The following ATE1 variants were observed in gnomAD, a reference collection of about 807,000 sequenced individuals.
The protein encoded by ATE1 is arginyl-tRNA--protein transferase 1.
ATE1 carries 36 observed loss-of-function variants against 70.5 expected under a neutral mutation model. That is an observed-to-expected ratio of 0.51 (90% CI 0.39 to 0.67). ATE1 has a LOEUF of 0.67. ATE1 is among the 30% of genes least tolerant of loss of function. ATE1 has a pLI of 0.00. For synonymous variants in ATE1, 232 were observed against 219.3 expected, an observed-to-expected ratio of 1.06 and a Z score of -0.51; for missense variants, 593 against 629.5, an observed-to-expected ratio of 0.94 and a Z score of 0.62.
Position 121,911,078 on chromosome 10 carries a change from C to T in ATE1, c.411G>A (p.Gln137=), listed in dbSNP as rs919159520. 1.2e-6 allele frequency: 2 copies of T among 1,612,272 alleles called. No homozygotes were observed. Among genetic ancestry groups the T allele is most frequent in the Middle Eastern group, 1.7e-4 (1 of 6,060 alleles). ...CATCACTGAGTGTTTTAAGATCACA[C>T]TGTATATCCAGTTTATTTATCAATG... ...DFALINKLDI[Q]CDLKTLSDDI... is the part of the protein sequence containing the mutation. The change falls in exon 5 of 12, where the codon CAG becomes CAA. Residue 137 remains glutamine (Q), a synonymous_variant. Transcript: ENST00000224652.
chr10:121,900,384 G>T (rs1270227713), intron 6 of ATE1, among the ~76,000 whole-genome samples: 1 of 151,936 alleles, frequency 6.6e-6, no homozygotes, highest in African/African-American at 2.4e-5. Flanking sequence ...TACATTTTTT[G>T]GCCACTCATT....
At position 121,826,637 on chromosome 10, in the gene ATE1, T is replaced by A. The variant is rs145197907; in HGVS notation, c.1257+10081A>T. 4.0e-3 allele frequency among the ~76,000 whole-genome samples: 613 copies of A among 152,286 alleles called. 2 individuals are homozygous for A. The highest frequency in any genetic ancestry group is 0.014 in the African/African-American group (583 of 41,562). The stretch of plus-strand genomic sequence containing the variant: ...TTTTTTTCCAACTTTTATTTTAGAA[T>A]CAGAGGGTACATGTGCAGGTTTGTT... On this transcript the variant is annotated intron_variant, in intron 10 of 11. Transcript: ENST00000224652.
chr10:121,758,682 A>T (rs917872293), intron 11 of ATE1, among the ~76,000 whole-genome samples: 4 of 152,188 alleles, frequency 2.6e-5, no homozygotes, highest in African/African-American at 7.2e-5. Flanking sequence ...GATTTGTGGC[A>T]ACCCTGCATT....
At chr10:121,791,732 CT>C (rs1946461233) in intron 10 of ATE1, among the ~76,000 whole-genome samples, 1 of 152,062 alleles carries the variant, frequency 6.6e-6, no homozygotes, top group Admixed American at 6.6e-5. Context: ...AGAAACAAAC[CT>C]TTTAGTATAC....
chr10:121,927,003 A>AT (rs1952119201), intron 1 of ATE1: 1 of 985,326 alleles, frequency 1.0e-6, no homozygotes, highest in African/African-American at 1.7e-5. Flanking sequence ...CACCTTTTTC[A>AT]TGGAAAATGC....
At chr10:121,807,640 T>C (rs1205722966) in intron 10 of ATE1, among the ~76,000 whole-genome samples, 1 of 152,214 alleles carries the variant, frequency 6.6e-6, no homozygotes, top group Admixed American at 6.5e-5. Flanking sequence ...TAAATTAATT[T>C]AGATGTTAAC....
At chr10:121,767,356 A>G (rs555530525) in intron 11 of ATE1, among the ~76,000 whole-genome samples, 10 of 152,314 alleles carry the variant, frequency 6.6e-5, no homozygotes, top group African/African-American at 2.4e-4. Flanking sequence ...TCCTTTCATC[A>G]TTTTTATTCA....
chr10:121,826,556 C>A (rs1462740457), intron 10 of ATE1, among the ~76,000 whole-genome samples: 1 of 152,168 alleles, frequency 6.6e-6, no homozygotes, highest in Non-Finnish European at 1.5e-5. Flanking sequence ...CCACCCTCCT[C>A]GGCCTCCCAA....
intron 8 of ATE1, among the ~76,000 whole-genome samples, chr10:121,855,905 G>T (rs1949229886): frequency 6.6e-6 from 1 of 150,694 alleles, no homozygotes; most frequent in Admixed American, 6.6e-5. Flanking sequence ...TGAAACCCTG[G>T]TCTCTACTAA....
chr10:121,877,626 C>T (rs182425736), intron 7 of ATE1, among the ~76,000 whole-genome samples: 1 of 152,184 alleles, frequency 6.6e-6, no homozygotes, highest in East Asian at 1.9e-4. Flanking sequence ...CTTAACAAAA[C>T]GGAGCATATT....
chr10:121,889,233 C>A, intron 7 of ATE1, among the ~76,000 whole-genome samples: 1 of 151,946 alleles, frequency 6.6e-6, no homozygotes, highest in African/African-American at 2.4e-5. Flanking sequence ...CGTTATACTT[C>A]AATAAAAAAC....
At chr10:121,856,865 G>C (rs956831850) in intron 8 of ATE1, among the ~76,000 whole-genome samples, 1 of 152,088 alleles carries the variant, frequency 6.6e-6, no homozygotes, top group African/African-American at 2.4e-5. Context: ...TGTCATATAG[G>C]GGTTGGTTTC....
At position 121,836,757 on chromosome 10, in the gene ATE1, C is replaced by A; in HGVS notation, c.1218G>T (p.Met406Ile). ...TGGGACATGAATGAATGTAGAAACCCATATAATAATAGCTGAGTTGAGAAG... is the reference window on the plus strand; with the variant it reads ...TGGGACATGAATGAATGTAGAAACCAATATAATAATAGCTGAGTTGAGAAG... ...EKTSQLSYYY[M>I]GFYIHSCPKM... is the part of the protein sequence containing the mutation. Residue 406 changes from methionine to isoleucine, a missense_variant, in exon 10 of 12, where the codon ATG becomes ATT. Around this residue, in one of 3 missense-constraint regions of ATE1, gnomAD observed 36 missense variants for 66.3 expected, o/e 0.54. Transcript: ENST00000224652. 1 of 1,599,602 alleles carries A rather than the reference C, an allele frequency of 6.3e-7. No homozygotes were observed. Among genetic ancestry groups the A allele is most frequent in the East Asian group, 2.3e-5 (1 of 44,426 alleles).
intron 3 of ATE1, among the ~76,000 whole-genome samples, chr10:121,920,329 T>TGAGATCAGCCTAGGAAACATGGC (rs1951828961): frequency 6.6e-6 from 1 of 151,566 alleles, no homozygotes; most frequent in Non-Finnish European, 1.5e-5. Flanking sequence ...GGAAACATGG[T>TGAGATCAGCCTAGGAAACATGGC]GAGATCTGCC....
Position 121,817,311 on chromosome 10 carries a change from CG to C in ATE1, c.1257+19406del, listed in dbSNP as rs571915034. Among the ~76,000 whole-genome samples, 1,212 of 152,310 alleles carry C rather than the reference CG, an allele frequency of 8.0e-3. 16 individuals are homozygous for C. The highest frequency in any genetic ancestry group is 0.026 in the African/African-American group (1,093 of 41,574). ...ATCCCAGTACTTTGGGAGGCCAAGG[CG>C]GGCGGATCACAAGGTCAGGAGATCG... is the stretch of plus-strand genomic sequence containing the variant. On this transcript the variant is annotated intron_variant, in intron 10 of 11. Transcript: ENST00000224652.
At chr10:121,832,418 T>A (rs1948274862) in intron 10 of ATE1, among the ~76,000 whole-genome samples, 1 of 152,212 alleles carries the variant, frequency 6.6e-6, no homozygotes, top group African/African-American at 2.4e-5. Flanking sequence ...GAGCTCAGCG[T>A]CTGATATGGT....
chr10:121,815,948 C>G (rs574662229), intron 10 of ATE1, among the ~76,000 whole-genome samples: 1 of 152,258 alleles, frequency 6.6e-6, no homozygotes, highest in South Asian at 2.1e-4. Flanking sequence ...CCCCCACCAT[C>G]CCAGTTACAA....
intron 11 of ATE1, among the ~76,000 whole-genome samples, chr10:121,789,671 A>C (rs1355842272): frequency 6.6e-6 from 1 of 152,162 alleles, no homozygotes; most frequent in African/African-American, 2.4e-5. Flanking sequence ...GGGGAACAAA[A>C]TATGGCTGGG....
intron 8 of ATE1, among the ~76,000 whole-genome samples, chr10:121,864,977 G>C (rs1322496460): frequency 1.3e-5 from 2 of 152,128 alleles, no homozygotes; most frequent in East Asian, 3.9e-4. Flanking sequence ...GAGAAACCCT[G>C]CTCTGGGGCT....
Sources: allele counts gnomAD v4.1 joint callset (sites outside exome capture counted in the v4.1 genomes callset), GRCh38; gene constraint gnomAD v4.1.1; regional missense constraint gnomAD v4.1.1; transcripts MANE v1.5; gene names NCBI Gene and HGNC (gene_info 2026-07-23, HGNC 2026-07-21).